SLC35F1: variants seen among roughly 807,000 people sequenced by gnomAD.
SLC35F1 encodes solute carrier family 35 member F1.
A neutral mutation model predicts 48.7 loss-of-function variants in SLC35F1; 14 were observed. The ratio of observed to expected loss-of-function variants is 0.29; its 90% CI spans 0.19 to 0.45. The LOEUF is 0.45. Among genes scored for constraint, SLC35F1 ranks in the 20% least tolerant of loss-of-function variants. The probability of loss-of-function intolerance (pLI) is 1.00; values close to 1 mark genes in which losing one functional copy is unlikely to be tolerated. For synonymous variants in SLC35F1, 190 were observed against 202.2 expected, an observed-to-expected ratio of 0.94 and a Z score of 0.51; for missense variants, 404 against 500.0, an observed-to-expected ratio of 0.81 and a Z score of 1.83.
At chr6:118,051,943 T>C (rs889084018) in intron 1 of SLC35F1, among the ~76,000 whole-genome samples, 3 of 152,162 alleles carry the variant, frequency 2.0e-5, no homozygotes, top group South Asian at 2.1e-4. Flanking sequence ...CCTTCCCTTA[T>C]AAGACCAAGC....
rs140075126 is a variant in SLC35F1, at chr6:117,913,236, G to A, written c.173+5337G>A. Among the ~76,000 whole-genome samples the A allele has an allele frequency of 3.1e-3, 474 of 152,298 alleles. 2 individuals are homozygous for A. The highest frequency in any genetic ancestry group is 0.011 in the African/African-American group (448 of 41,576). On this transcript the variant is annotated intron_variant, in intron 1 of 7. Transcript: ENST00000360388. The stretch of plus-strand genomic sequence containing the variant: ...AGTATGCTTAGGAAGACAAACTTCA[G>A]TAGATGTATGGAAAAAACCTATGAA...
chr6:118,124,054 C>A (rs1469400902), intron 1 of SLC35F1, among the ~76,000 whole-genome samples: 1 of 152,092 alleles, frequency 6.6e-6, no homozygotes, highest in African/African-American at 2.4e-5. Context: ...GAGAATTTGT[C>A]TCTTGAGACA....
Position 118,315,481 on chromosome 6 carries a change from C to T in SLC35F1, c.*1229C>T, listed in dbSNP as rs995713245. On this transcript the variant is annotated 3_prime_UTR_variant, in exon 8 of 8. Transcript: ENST00000360388. ...TTGAGACGGAGTCTCACTCTGTCGCCCAGGCTGGAGTGCGGTGGCACGATC... is the reference window on the plus strand; with the variant it reads ...TTGAGACGGAGTCTCACTCTGTCGCTCAGGCTGGAGTGCGGTGGCACGATC... The T allele has an allele frequency of 1.4e-5, 2 of 147,164 alleles. No homozygotes were observed. Among genetic ancestry groups the T allele is most frequent in the Non-Finnish European group, 3.0e-5 (2 of 67,244 alleles). 9.1% of individuals were successfully genotyped at this position (147,164 alleles called of 1,614,324 possible).
At chr6:118,109,654 A>G (rs1051576618) in intron 1 of SLC35F1, among the ~76,000 whole-genome samples, 9 of 91,026 alleles carry the variant, frequency 9.9e-5, no homozygotes, top group African/African-American at 3.4e-4. Flanking sequence ...CATTTGCTGG[A>G]AAAAAAAAAG....
intron 1 of SLC35F1, among the ~76,000 whole-genome samples, chr6:118,150,557 C>A (rs1044360974): frequency 1.3e-5 from 2 of 152,126 alleles, no homozygotes; most frequent in Admixed American, 6.6e-5. Flanking sequence ...CTGCAGGAAT[C>A]CATGTCATAG....
chr6:118,156,137 C>G (rs889884810), intron 2 of SLC35F1, among the ~76,000 whole-genome samples: 1 of 151,932 alleles, frequency 6.6e-6, no homozygotes, highest in East Asian at 1.9e-4. Flanking sequence ...ATAAAATAGG[C>G]CACCAAAGTT....
chr6:118,290,849 C>T (rs1159096398), intron 7 of SLC35F1, among the ~76,000 whole-genome samples: 1 of 150,276 alleles, frequency 6.7e-6, no homozygotes, highest in African/African-American at 2.5e-5. Flanking sequence ...AGCTGGAGTA[C>T]AGTGGTGCGA....
chr6:118,303,682 G>A (rs977479577), intron 7 of SLC35F1, among the ~76,000 whole-genome samples: 1 of 152,184 alleles, frequency 6.6e-6, no homozygotes, highest in Non-Finnish European at 1.5e-5. Flanking sequence ...CTACAGCTTT[G>A]TTTGCTAAGA....
chr6:118,074,288 G>T (rs188629738), intron 1 of SLC35F1, among the ~76,000 whole-genome samples: 1 of 152,298 alleles, frequency 6.6e-6, no homozygotes, highest in East Asian at 1.9e-4. Context: ...CCTGTATAAA[G>T]AAAGTGGAGT....
At chr6:117,923,969 A>G (rs183828230) in intron 1 of SLC35F1, among the ~76,000 whole-genome samples, 60 of 151,064 alleles carry the variant, frequency 4.0e-4, no homozygotes, top group Non-Finnish European at 7.7e-4. Context: ...ATATATAGGG[A>G]ATAGAATGGA....
chr6:117,992,794 T>C (rs994099221), intron 1 of SLC35F1, among the ~76,000 whole-genome samples: 6 of 152,242 alleles, frequency 3.9e-5, no homozygotes, highest in African/African-American at 9.6e-5. Flanking sequence ...TTGAAATTAA[T>C]TGATAGACTT....
intron 2 of SLC35F1, among the ~76,000 whole-genome samples, chr6:118,213,355 C>T (rs974682384): frequency 3.3e-5 from 5 of 152,046 alleles, no homozygotes; most frequent in African/African-American, 4.8e-5. Flanking sequence ...GGATGTGTCC[C>T]GTTTGTGTTA....
intron 2 of SLC35F1, among the ~76,000 whole-genome samples, chr6:118,182,742 T>A (rs1303056485): frequency 6.6e-6 from 1 of 152,012 alleles, no homozygotes; most frequent in Non-Finnish European, 1.5e-5. Flanking sequence ...ACAAACAAGG[T>A]AATGGATGTG....
intron 2 of SLC35F1, among the ~76,000 whole-genome samples, chr6:118,200,649 C>T (rs1209357526): frequency 2.0e-5 from 3 of 152,158 alleles, no homozygotes; most frequent in Non-Finnish European, 4.4e-5. Flanking sequence ...CCAGGAGGGC[C>T]TCACAAGCTA....
At chr6:118,108,022 G>A (rs1247300328) in intron 1 of SLC35F1, among the ~76,000 whole-genome samples, 1 of 151,992 alleles carries the variant, frequency 6.6e-6, no homozygotes, top group African/African-American at 2.4e-5. Flanking sequence ...TCTGGGTTGA[G>A]GTGCTTTCTG....
intron 1 of SLC35F1, among the ~76,000 whole-genome samples, chr6:118,044,984 T>C (rs1398249936): frequency 1.3e-5 from 2 of 152,228 alleles, no homozygotes; most frequent in African/African-American, 4.8e-5. Flanking sequence ...TATTATGTTA[T>C]ATAGTATGAA....
At chr6:118,070,600 C>A (rs1378169950) in intron 1 of SLC35F1, among the ~76,000 whole-genome samples, 1 of 151,890 alleles carries the variant, frequency 6.6e-6, no homozygotes, top group Non-Finnish European at 1.5e-5. Flanking sequence ...CCAGCAGCAC[C>A]CAGTCCTACT....
intron 1 of SLC35F1, among the ~76,000 whole-genome samples, chr6:118,014,255 A>AT (rs1777290504): frequency 6.6e-6 from 1 of 152,220 alleles, no homozygotes; most frequent in African/African-American, 2.4e-5. Context: ...TACTATAAAG[A>AT]TCTCAAAATG....
Position 118,297,651 on chromosome 6 carries a change from A to ATAT in SLC35F1, c.1002+12315_1002+12316insTTA, listed in dbSNP as rs1171835930. ...ATATATATATATAAAAAATATATAT[A>ATAT]TAATATATATAATATTATATAAGTT... On this transcript the variant is annotated intron_variant, in intron 7 of 7. Transcript: ENST00000360388. Among the ~76,000 whole-genome samples the ATAT allele has an allele frequency of 6.9e-3, 643 of 93,222 alleles. 17 individuals carry two copies. The highest frequency in any genetic ancestry group is 0.031 in the African/African-American group (620 of 20,188). The allele number at this position is 93,222 out of a possible 152,430, so 61.2% of individuals were successfully genotyped here. A position where few individuals can be genotyped will look rare whatever the true frequency, so the allele number is the denominator to read the frequency against.
Sources: allele counts gnomAD v4.1 joint callset (sites outside exome capture counted in the v4.1 genomes callset), GRCh38; gene constraint gnomAD v4.1.1; transcripts MANE v1.5; gene names NCBI Gene and HGNC (gene_info 2026-07-23, HGNC 2026-07-21).